CCDC38: variants seen among roughly 807,000 people sequenced by gnomAD.
The protein encoded by CCDC38 is coiled-coil domain containing 38.
In CCDC38, 69 loss-of-function variants were observed where a neutral mutation model predicts 72.8. That is an observed-to-expected ratio of 0.95 (90% CI 0.78 to 1.16). CCDC38 has a LOEUF of 1.16. Ranked by LOEUF, CCDC38 falls within the 50% of genes most tolerant of loss-of-function variation. The pLI, the probability that CCDC38 is intolerant of heterozygous loss-of-function variation, is 0.00. For missense variants in CCDC38, 626 were observed against 638.9 expected (o/e 0.98, Z 0.22); for synonymous variants, 201 against 213.2 (o/e 0.94, Z 0.50).
At chr12:95,910,557 GA>G (rs1025468518) in intron 4 of CCDC38, among the ~76,000 whole-genome samples, 5 of 152,212 alleles carry the variant, frequency 3.3e-5, no homozygotes, top group Admixed American at 6.5e-5. Flanking sequence ...CACAGAATTA[GA>G]AAAAAACTAT....
intron 4 of CCDC38, among the ~76,000 whole-genome samples, chr12:95,907,553 G>T (rs1318239879): frequency 7.8e-6 from 1 of 128,606 alleles, no homozygotes; most frequent in Non-Finnish European, 1.6e-5. Context: ...CTCACCTCCC[G>T]GACGAGGCGG....
At position 95,906,471 on chromosome 12, in the gene CCDC38, A is replaced by G. The variant is rs777283033; in HGVS notation, c.305-20T>C. On this transcript the variant is annotated intron_variant, in intron 4 of 15. Transcript: ENST00000344280. ...CGGAACCTGTGAAGAAAGTTGAAATAGACTTAAGTTTAGTTCATCATCCTT... is the reference window on the plus strand; with the variant it reads ...CGGAACCTGTGAAGAAAGTTGAAATGGACTTAAGTTTAGTTCATCATCCTT... 1.3e-5 allele frequency: 20 copies of G among 1,578,762 alleles called. No individual in the cohort carries two copies. Among genetic ancestry groups the G allele is most frequent in the Middle Eastern group, 1.7e-4 (1 of 5,960 alleles).
chr12:95,875,459 A>C (rs1393779941), intron 13 of CCDC38, among the ~76,000 whole-genome samples: 1 of 152,190 alleles, frequency 6.6e-6, no homozygotes, highest in Non-Finnish European at 1.5e-5. Flanking sequence ...TTGAAAGACT[A>C]AAATTCATTT....
At chr12:95,930,115 A>C (rs1837823845) in intron 2 of CCDC38, among the ~76,000 whole-genome samples, 1 of 152,144 alleles carries the variant, frequency 6.6e-6, no homozygotes, top group African/African-American at 2.4e-5. Flanking sequence ...AGAGGTTAGA[A>C]TAGGAAGGCC....
intron 4 of CCDC38, among the ~76,000 whole-genome samples, chr12:95,913,257 A>C (rs543596746): frequency 6.6e-6 from 1 of 152,218 alleles, no homozygotes; most frequent in African/African-American, 2.4e-5. Context: ...CATTTGTGAA[A>C]TGAGGATATT....
In CCDC38 at chr12:95,929,245, G is replaced by A. The variant is rs559586157; in HGVS notation, c.37+7228C>T. Among the ~76,000 whole-genome samples the A allele has an allele frequency of 2.0e-4, 30 of 152,292 alleles. 1 individual carries two copies. Among genetic ancestry groups the A allele is most frequent in the South Asian group, 8.3e-4 (4 of 4,830 alleles). On this transcript the variant is annotated intron_variant, in intron 2 of 15. Coordinates refer to ENST00000344280, the MANE Select transcript of CCDC38 (RefSeq NM_182496.3). ...GGTGCGGGATATAATCTCCTGGTGC[G>A]CTGTTTTTTAAGCCCATGGGAAAAG...
chr12:95,891,757 G>A (rs1046938122), intron 8 of CCDC38, among the ~76,000 whole-genome samples: 6 of 151,438 alleles, frequency 4.0e-5, no homozygotes, highest in Non-Finnish European at 7.4e-5. Flanking sequence ...ATTTTTTCAT[G>A]TGCTCAACAC....
chr12:95,917,937 C>T (rs992676427), intron 3 of CCDC38, among the ~76,000 whole-genome samples: 3 of 151,572 alleles, frequency 2.0e-5, no homozygotes, highest in Non-Finnish European at 4.4e-5. Flanking sequence ...AAAGGGATCT[C>T]CCCAGTAGAT....
chr12:95,900,894 G>T (rs1164292197), intron 5 of CCDC38, among the ~76,000 whole-genome samples: 1 of 152,086 alleles, frequency 6.6e-6, no homozygotes, highest in Non-Finnish European at 1.5e-5. Context: ...TGGGATTATG[G>T]CATTTTGGAT....
At chr12:95,920,623 C>A (rs1480845032) in intron 2 of CCDC38, among the ~76,000 whole-genome samples, 1 of 151,816 alleles carries the variant, frequency 6.6e-6, no homozygotes, top group Non-Finnish European at 1.5e-5. Context: ...TTATATGATT[C>A]CATTTATATA....
intron 10 of CCDC38, among the ~76,000 whole-genome samples, chr12:95,882,552 A>T (rs1239060179): frequency 6.6e-6 from 1 of 152,192 alleles, no homozygotes; most frequent in Non-Finnish European, 1.5e-5. Flanking sequence ...GAAAACAGAA[A>T]GGACCAGGGA....
At chr12:95,892,278 CTTTTTTTTTT>C (rs774500212) in intron 8 of CCDC38, among the ~76,000 whole-genome samples, 1 of 75,978 alleles carries the variant, frequency 1.3e-5, no homozygotes, top group Non-Finnish European at 2.3e-5. Context: ...TTATTACAAT[CTTTTTTTTTT>C]TTTTTTTTTT....
chr12:95,941,397 TTTA>T (rs1367576391), intron 1 of CCDC38, among the ~76,000 whole-genome samples: 1 of 152,160 alleles, frequency 6.6e-6, no homozygotes, highest in Non-Finnish European at 1.5e-5. Flanking sequence ...TGATTTATGT[TTTA>T]TTTTATTTAA....
chr12:95,890,306 T>G (rs2121454808), intron 9 of CCDC38, among the ~76,000 whole-genome samples: 1 of 152,338 alleles, frequency 6.6e-6, no homozygotes, highest in South Asian at 2.1e-4. Flanking sequence ...ATCTCCGGTC[T>G]GAACTTGTGA....
At chr12:95,869,266 T>G (rs922176944) in intron 15 of CCDC38, among the ~76,000 whole-genome samples, 2 of 152,214 alleles carry the variant, frequency 1.3e-5, no homozygotes, top group Non-Finnish European at 2.9e-5. Flanking sequence ...AGAAGAGGCT[T>G]CTTTTACTAA....
chr12:95,905,042 G>C (rs2079987261), intron 5 of CCDC38, among the ~76,000 whole-genome samples: 1 of 152,102 alleles, frequency 6.6e-6, no homozygotes, highest in Non-Finnish European at 1.5e-5. Flanking sequence ...AATAGTATTT[G>C]CATATAACCA....
chr12:95,906,269 C>T (rs2079999784), intron 5 of CCDC38, 118 bp downstream of exon 5: 2 of 709,982 alleles, frequency 2.8e-6, no homozygotes, highest in Non-Finnish European at 4.8e-6. Flanking sequence ...AAAAACCAAC[C>T]TGTTCAACCA....
intron 11 of CCDC38, among the ~76,000 whole-genome samples, chr12:95,880,813 T>A (rs891499929): frequency 2.0e-5 from 3 of 152,278 alleles, no homozygotes; most frequent in African/African-American, 7.2e-5. Flanking sequence ...AAACAGAATG[T>A]AGAATGGCAG....
chr12:95,887,354 C>T (rs948616354), intron 10 of CCDC38, among the ~76,000 whole-genome samples: 11 of 152,166 alleles, frequency 7.2e-5, no homozygotes, highest in African/African-American at 2.7e-4. Flanking sequence ...TAAAAATAAT[C>T]CAGATGGCCT....
Sources: gnomAD v4.1 joint callset for allele counts (sites outside exome capture counted in the v4.1 genomes callset) on GRCh38, gnomAD v4.1.1 for gene constraint, MANE v1.5 for transcripts, NCBI Gene and HGNC (gene_info 2026-07-23, HGNC 2026-07-21) for gene names.